Variants in SLC44A5 observed in about 807,000 individuals in gnomAD.
The protein encoded by SLC44A5 is solute carrier family 44 member 5.
Under a neutral mutation model 101.8 loss-of-function variants are expected in SLC44A5, and 57 were observed. The observed-to-expected ratio is 0.56, with a 90% CI of 0.45 to 0.70. SLC44A5 has a LOEUF of 0.70. SLC44A5 is among the 30% of genes least tolerant of loss of function. The probability of loss-of-function intolerance (pLI) is 0.00; values close to 1 mark genes in which losing one functional copy is unlikely to be tolerated. For missense variants in SLC44A5, 737 were observed against 853.1 expected (o/e 0.86, Z 1.70); for synonymous variants, 281 against 290.9 (o/e 0.97, Z 0.35).
chr1:75,626,035 C>T, the SLC44A5 span, among the ~76,000 whole-genome samples: 3 of 151,934 alleles, frequency 2.0e-5, no homozygotes, highest in African/African-American at 7.3e-5. Context: ...CTGAGAAAAC[C>T]GGAAATGATT....
the SLC44A5 span, among the ~76,000 whole-genome samples, chr1:75,642,846 A>T: frequency 6.6e-6 from 1 of 152,180 alleles, no homozygotes; most frequent in Non-Finnish European, 1.5e-5. Flanking sequence ...TTAAACAAAA[A>T]TTGGAAAGTT....
chr1:75,561,925 A>G (rs977876761), intron 1 of SLC44A5, among the ~76,000 whole-genome samples: 47 of 151,758 alleles, frequency 3.1e-4, no homozygotes, highest in African/African-American at 1.1e-3. Flanking sequence ...CATTAATGTA[A>G]TATTTTTTGT....
At chr1:75,372,770 A>G (rs1250239217) in intron 3 of SLC44A5, among the ~76,000 whole-genome samples, 2 of 152,228 alleles carry the variant, frequency 1.3e-5, no homozygotes, top group South Asian at 4.1e-4. Context: ...TTGACATTGG[A>G]AAATTGTATT....
At chr1:75,304,914 A>T (rs1036386954) in intron 4 of SLC44A5, among the ~76,000 whole-genome samples, 1 of 152,284 alleles carries the variant, frequency 6.6e-6, no homozygotes, top group Middle Eastern at 3.4e-3. Context: ...TCCAAATCAA[A>T]GTCCCGCTTT....
chr1:75,501,271 TA>T (rs1351815347), intron 2 of SLC44A5, among the ~76,000 whole-genome samples: 2 of 152,176 alleles, frequency 1.3e-5, no homozygotes, highest in African/African-American at 4.8e-5. Context: ...CACATTTCAG[TA>T]AAAGCCTCTC....
At chr1:75,258,298 C>T (rs1283889580) in intron 6 of SLC44A5, among the ~76,000 whole-genome samples, 1 of 152,174 alleles carries the variant, frequency 6.6e-6, no homozygotes, top group African/African-American at 2.4e-5. Flanking sequence ...TGGCTTGAAA[C>T]TCTCACTTTG....
At chr1:75,229,879 T>G (rs1647396745) in intron 12 of SLC44A5, among the ~76,000 whole-genome samples, 1 of 152,200 alleles carries the variant, frequency 6.6e-6, no homozygotes, top group South Asian at 2.1e-4. Context: ...CTTAGTATAA[T>G]GAGGGCTTCC....
intron 1 of SLC44A5, among the ~76,000 whole-genome samples, chr1:75,579,450 A>G (rs1303966839): frequency 6.6e-6 from 1 of 152,212 alleles, no homozygotes; most frequent in Admixed American, 6.5e-5. Flanking sequence ...CCATAAATAA[A>G]TAAGTAAATA....
chr1:75,311,116 CT>C (rs55858318), intron 4 of SLC44A5, among the ~76,000 whole-genome samples: 25,285 of 146,650 alleles, frequency 0.17, 2,185 homozygotes, highest in Middle Eastern at 0.29. Context: ...AAAATAGCAT[CT>C]TTTTTTTTTT....
At chr1:75,224,309 A>G (rs758266432) in intron 13 of SLC44A5, among the ~76,000 whole-genome samples, 2 of 152,194 alleles carry the variant, frequency 1.3e-5, no homozygotes, top group Non-Finnish European at 2.9e-5. Flanking sequence ...TGAGTTTGTT[A>G]TTGTTTTATG....
intron 3 of SLC44A5, among the ~76,000 whole-genome samples, chr1:75,392,769 T>C (rs190829406): frequency 9.2e-5 from 14 of 152,074 alleles, no homozygotes; most frequent in Non-Finnish European, 8.8e-5. Flanking sequence ...CCATCAACAG[T>C]GGAATGGATA....
chr1:75,320,835 A>G lies in SLC44A5; in HGVS notation c.101+18747T>C, dbSNP rs922984318. 2.6e-5 allele frequency among the ~76,000 whole-genome samples: 4 copies of G among 152,268 alleles called. No individual in the cohort carries two copies. The East Asian group carries it at 7.7e-4, about 29-fold the overall frequency. ...GCAAGCTTTTCAAATGCACTGAAAGATTTAATTCATAAAGCCCTTAAGAGC... is the reference window on the plus strand; with the variant it reads ...GCAAGCTTTTCAAATGCACTGAAAGGTTTAATTCATAAAGCCCTTAAGAGC... On this transcript the variant is annotated intron_variant, in intron 4 of 23. Coordinates refer to ENST00000370859, the MANE Select transcript of SLC44A5 (RefSeq NM_001130058.2).
At chr1:75,430,453 A>G (rs1179572535) in intron 2 of SLC44A5, among the ~76,000 whole-genome samples, 3 of 152,204 alleles carry the variant, frequency 2.0e-5, no homozygotes, top group Admixed American at 6.5e-5. Context: ...GACTAAGACA[A>G]TCATGTACAA....
intron 3 of SLC44A5, among the ~76,000 whole-genome samples, chr1:75,375,555 A>G (rs1035760710): frequency 2.6e-5 from 4 of 152,202 alleles, no homozygotes; most frequent in African/African-American, 9.6e-5. Flanking sequence ...CAAAGTCAAC[A>G]AGAAAAGAAA....
At chr1:75,668,977 G>T in the SLC44A5 span, among the ~76,000 whole-genome samples, 50 of 151,444 alleles carry the variant, frequency 3.3e-4, no homozygotes, top group Non-Finnish European at 6.5e-4. Context: ...CCGAACTACA[G>T]TCTAGGTGAC....
intron 3 of SLC44A5, among the ~76,000 whole-genome samples, chr1:75,353,417 C>G (rs1249837): frequency 1.3e-5 from 2 of 151,910 alleles, no homozygotes; most frequent in Non-Finnish European, 2.9e-5. Flanking sequence ...CATCCCTACT[C>G]GAATTTAAGA....
intron 4 of SLC44A5, among the ~76,000 whole-genome samples, chr1:75,324,951 G>A (rs1656463906): frequency 6.6e-6 from 1 of 152,134 alleles, no homozygotes; most frequent in Non-Finnish European, 1.5e-5. Flanking sequence ...TTTTAATCAA[G>A]CAAATATTTA....
chr1:75,672,604 G>C, the SLC44A5 span, among the ~76,000 whole-genome samples: 1 of 152,148 alleles, frequency 6.6e-6, no homozygotes, highest in Non-Finnish European at 1.5e-5. Context: ...ATGCAACCTA[G>C]TGAGACAGCA....
chr1:75,674,998 C>G, the SLC44A5 span, among the ~76,000 whole-genome samples: 1 of 152,084 alleles, frequency 6.6e-6, no homozygotes. Context: ...GTACCATGCT[C>G]TTTGGTTACT....
Sources: allele counts gnomAD v4.1 joint callset (sites outside exome capture counted in the v4.1 genomes callset), GRCh38; gene constraint gnomAD v4.1.1; transcripts MANE v1.5; gene names NCBI Gene and HGNC (gene_info 2026-07-23, HGNC 2026-07-21).